The following NCOA1 variants were observed in gnomAD, a reference collection of about 807,000 sequenced individuals.
NCOA1 encodes Hin-2 protein.
In NCOA1, 35 loss-of-function variants were observed where a neutral mutation model predicts 150.9. The ratio of observed to expected loss-of-function variants is 0.23; its 90% CI spans 0.18 to 0.31. The LOEUF is 0.31. Among genes scored for constraint, NCOA1 ranks in the 10% least tolerant of loss-of-function variants. NCOA1 has a pLI of 1.00. For missense variants in NCOA1, 1,491 were observed against 1,749.3 expected, an observed-to-expected ratio of 0.85 and a Z score of 2.63; for synonymous variants, 590 against 630.0, an observed-to-expected ratio of 0.94 and a Z score of 0.95.
intron 8 of NCOA1, among the ~76,000 whole-genome samples, chr2:24,688,604 T>C (rs897934837): frequency 6.6e-6 from 1 of 152,116 alleles, no homozygotes; most frequent in Non-Finnish European, 1.5e-5. Context: ...GGGGTTGTTT[T>C]TTCCTTGTAA....
At chr2:24,532,474 A>G (rs1288266479) in intron 1 of NCOA1, among the ~76,000 whole-genome samples, 1 of 152,094 alleles carries the variant, frequency 6.6e-6, no homozygotes, top group Non-Finnish European at 1.5e-5. Context: ...CTGTTTGTCA[A>G]TTTTGGCTTT....
chr2:24,651,598 CAAT>C (rs774902431), intron 4 of NCOA1, among the ~76,000 whole-genome samples: 157 of 152,004 alleles, frequency 1.0e-3, no homozygotes, highest in Middle Eastern at 3.4e-3. Context: ...TGTTCATTTA[CAAT>C]AATAATATAA....
At chr2:24,747,096 GCAACAA>G (rs145460486) in intron 19 of NCOA1, among the ~76,000 whole-genome samples, 15 of 151,404 alleles carry the variant, frequency 9.9e-5, no homozygotes, top group East Asian at 3.9e-4. Flanking sequence ...AAAAACAACA[GCAACAA>G]CAACAACAAC....
intron 20 of NCOA1, among the ~76,000 whole-genome samples, chr2:24,756,297 C>T (rs1261523637): frequency 3.9e-5 from 6 of 152,024 alleles, no homozygotes; most frequent in African/African-American, 1.4e-4. Flanking sequence ...AGGCTTTTTT[C>T]TCACCTTTAG....
intron 11 of NCOA1, among the ~76,000 whole-genome samples, chr2:24,700,107 C>T (rs1673084042): frequency 6.6e-6 from 1 of 151,242 alleles, no homozygotes; most frequent in African/African-American, 2.4e-5. Flanking sequence ...CGCACCATTG[C>T]ACTCCAGCCT....
At chr2:24,649,964 A>C (rs1670641827) in intron 4 of NCOA1, among the ~76,000 whole-genome samples, 1 of 152,162 alleles carries the variant, frequency 6.6e-6, no homozygotes, top group African/African-American at 2.4e-5. Flanking sequence ...ACTGCACAGG[A>C]TTCTCTTTTA....
chr2:24,607,594 A>G (rs61196936), intron 3 of NCOA1, among the ~76,000 whole-genome samples: 29,186 of 151,558 alleles, frequency 0.19, 2,987 homozygotes, highest in Non-Finnish European at 0.23. Flanking sequence ...GGAGGCTGAG[A>G]CAGGAGAATG....
In NCOA1 at chr2:24,711,247, AAC is replaced by A. The variant is rs1673733933; in HGVS notation, c.2599+138_2599+139del. On this transcript the variant is annotated intron_variant, in intron 14 of 22. Coordinates refer to ENST00000348332, the MANE Select transcript of NCOA1 (RefSeq NM_003743.5). ...TTATTAATGCCACTATAAATAATAA[AAC>A]AGTTATATTTAGGCATGTGAACATC... 11 of 835,392 alleles carry A rather than the reference AAC, an allele frequency of 1.3e-5. No individual in the cohort carries two copies. The South Asian group carries it at 1.4e-4, about 11-fold the overall frequency. 51.7% of individuals were successfully genotyped at this position (835,392 alleles called of 1,614,324 possible). A position where few individuals can be genotyped will look rare whatever the true frequency, so the allele number is the denominator to read the frequency against.
At chr2:24,734,537 A>G (rs1191108886) in intron 17 of NCOA1, among the ~76,000 whole-genome samples, 1 of 152,202 alleles carries the variant, frequency 6.6e-6, no homozygotes, top group Non-Finnish European at 1.5e-5. Flanking sequence ...GCTTACACCT[A>G]TAACCCCCCC....
intron 3 of NCOA1, among the ~76,000 whole-genome samples, chr2:24,593,270 C>G (rs1667735029): frequency 1.3e-5 from 2 of 151,978 alleles, no homozygotes; most frequent in Admixed American, 1.3e-4. Context: ...GCTTGCCAAC[C>G]CTCATTGAGA....
rs115937459 is a variant in NCOA1, at chr2:24,750,748, G to A, written c.3707-1234G>A. On this transcript the variant is annotated intron_variant, in intron 19 of 22. Transcript: ENST00000348332. Reference sequence around the variant, plus strand: ...AATGATTAGGTGTCTAAACTGGATCGTGGTAATGGCGGCACAACTCTATAA... The same window carrying A: ...AATGATTAGGTGTCTAAACTGGATCATGGTAATGGCGGCACAACTCTATAA... 8.2e-3 allele frequency among the ~76,000 whole-genome samples: 1,250 copies of A among 152,282 alleles called. 22 individuals are homozygous for A. The highest frequency in any genetic ancestry group is 0.029 in the African/African-American group (1,187 of 41,554).
chr2:24,693,508 A>G (rs1373082292), intron 10 of NCOA1, among the ~76,000 whole-genome samples, 161 bp downstream of exon 10: 1 of 152,170 alleles, frequency 6.6e-6, no homozygotes, highest in Non-Finnish European at 1.5e-5. Flanking sequence ...AGATTATACA[A>G]TTTAGATACT....
At chr2:24,598,486 G>T (rs774794265) in intron 3 of NCOA1, among the ~76,000 whole-genome samples, 1 of 152,066 alleles carries the variant, frequency 6.6e-6, no homozygotes, top group Non-Finnish European at 1.5e-5. Context: ...CAGAATTTAG[G>T]AAAGTATTCT....
At chr2:24,660,674 A>G (rs186520706) in intron 5 of NCOA1, among the ~76,000 whole-genome samples, 1 of 152,310 alleles carries the variant, frequency 6.6e-6, no homozygotes, top group East Asian at 1.9e-4. Flanking sequence ...CTACAAATAC[A>G]TTCCCTAGAG....
chr2:24,737,941 C>T (rs1262598509), intron 17 of NCOA1, among the ~76,000 whole-genome samples: 1 of 152,118 alleles, frequency 6.6e-6, no homozygotes, highest in Non-Finnish European at 1.5e-5. Flanking sequence ...CCTGGTCTTT[C>T]AAGTTTAAGA....
intron 1 of NCOA1, among the ~76,000 whole-genome samples, chr2:24,502,753 T>C (rs932162989): frequency 2.0e-5 from 3 of 152,216 alleles, no homozygotes; most frequent in Admixed American, 6.5e-5. Flanking sequence ...TTCCAAGGAA[T>C]GTTCTCCCTT....
chr2:24,716,739 A>G (rs571340275), intron 14 of NCOA1, among the ~76,000 whole-genome samples: 2 of 152,354 alleles, frequency 1.3e-5, no homozygotes, highest in African/African-American at 4.8e-5. Flanking sequence ...ACCTCTTGAA[A>G]GAAAATGAAT....
chr2:24,654,105 TG>T (rs1421532946), intron 4 of NCOA1, among the ~76,000 whole-genome samples: 7 of 152,202 alleles, frequency 4.6e-5, no homozygotes, highest in African/African-American at 9.6e-5. Flanking sequence ...GAAAACAAGG[TG>T]TATATTTTGT....
intron 1 of NCOA1, among the ~76,000 whole-genome samples, chr2:24,561,884 CAAAG>C (rs1666307740): frequency 6.6e-6 from 1 of 151,924 alleles, no homozygotes; most frequent in South Asian, 2.1e-4. Flanking sequence ...TATGGGCAAA[CAAAG>C]GAAGTATAAA....
Sources: allele counts gnomAD v4.1 joint callset (sites outside exome capture counted in the v4.1 genomes callset), GRCh38; gene constraint gnomAD v4.1.1; transcripts MANE v1.5; gene names NCBI Gene and HGNC (gene_info 2026-07-23, HGNC 2026-07-21).